PCDHA12: variants seen among roughly 807,000 people sequenced by gnomAD.
PCDHA12 encodes protocadherin alpha 12.
Under a neutral mutation model 60.0 loss-of-function variants are expected in PCDHA12, and 44 were observed. The ratio of observed to expected loss-of-function variants is 0.73; its 90% CI spans 0.58 to 0.94. The LOEUF is 0.94. PCDHA12 is among the 40% of genes least tolerant of loss of function. The pLI is 0.00. For missense variants in PCDHA12, 1,276 were observed against 1,239.7 expected, an observed-to-expected ratio of 1.03 and a Z score of -0.44; for synonymous variants, 569 against 553.0, an observed-to-expected ratio of 1.03 and a Z score of -0.40.
intron 1 of PCDHA12, chr5:140,929,303 A>G (rs782378312): frequency 1.1e-5 from 17 of 1,586,722 alleles, no homozygotes; most frequent in Non-Finnish European, 1.1e-5. Context: ...AGGAAAGGGG[A>G]TCACGCTAAT....
chr5:140,890,386 A>T (rs905205351), intron 1 of PCDHA12, among the ~76,000 whole-genome samples: 1 of 152,202 alleles, frequency 6.6e-6, no homozygotes, highest in African/African-American at 2.4e-5. Context: ...TCTTTCTTAG[A>T]TAATCTATAA....
intron 1 of PCDHA12, among the ~76,000 whole-genome samples, chr5:140,955,135 G>A (rs114298661): frequency 0.017 from 2,539 of 152,204 alleles, 31 homozygotes; most frequent in Middle Eastern, 0.034. Flanking sequence ...TGGTCTACAC[G>A]TCTGTTTTTG....
At chr5:141,004,449 A>G (rs2098166973) in intron 3 of PCDHA12, among the ~76,000 whole-genome samples, 1 of 152,180 alleles carries the variant, frequency 6.6e-6, no homozygotes. Flanking sequence ...GTCATATAGA[A>G]CCAGGAAGCT....
chr5:140,923,573 A>C (rs1180737452), intron 1 of PCDHA12, among the ~76,000 whole-genome samples: 2 of 152,214 alleles, frequency 1.3e-5, no homozygotes, highest in African/African-American at 4.8e-5. Flanking sequence ...GGTCCTGCTA[A>C]AGAGAAGGTT....
At position 140,902,128 on chromosome 5, in the gene PCDHA12, A is replaced by T. The variant is rs140093707; in HGVS notation, c.2367+24289A>T. On this transcript the variant is annotated intron_variant, in intron 1 of 3. Transcript: ENST00000398631. ...ATTTTTTTAAAACTGAGATTATATC[A>T]TCTGCAAACAAGGATAATTTGATTT... Among the ~76,000 whole-genome samples the T allele has an allele frequency of 8.6e-3, 1,299 of 150,978 alleles. 13 individuals are homozygous for T. Among genetic ancestry groups the T allele is most frequent in the African/African-American group, 0.03 (1,241 of 41,218 alleles).
chr5:140,992,363 G>T (rs1028043863), intron 3 of PCDHA12, among the ~76,000 whole-genome samples: 2 of 152,136 alleles, frequency 1.3e-5, no homozygotes, highest in Non-Finnish European at 2.9e-5. Context: ...GAGAAAAATG[G>T]TTCCCATTAC....
At chr5:140,980,585 G>A (rs1181393743) in intron 2 of PCDHA12, among the ~76,000 whole-genome samples, 2 of 151,902 alleles carry the variant, frequency 1.3e-5, no homozygotes, top group African/African-American at 2.4e-5. Flanking sequence ...AGCCAAGATC[G>A]AGCCACTGCA....
intron 3 of PCDHA12, among the ~76,000 whole-genome samples, chr5:140,997,668 T>TTGTGTG (rs35184029): frequency 3.8e-4 from 56 of 148,342 alleles, no homozygotes; most frequent in African/African-American, 8.5e-4. Context: ...ATTATACAGC[T>TTGTGTG]TGTGTGTGTG....
At chr5:140,983,513 C>G (rs893446292) in intron 3 of PCDHA12, among the ~76,000 whole-genome samples, 1 of 152,196 alleles carries the variant, frequency 6.6e-6, no homozygotes, top group South Asian at 2.1e-4. Flanking sequence ...TGCCTAGACA[C>G]TGTGCCAAGT....
chr5:140,994,608 G>A (rs1231327885), intron 3 of PCDHA12, among the ~76,000 whole-genome samples: 1 of 152,098 alleles, frequency 6.6e-6, no homozygotes, highest in African/African-American at 2.4e-5. Context: ...GGGAGGCTGA[G>A]GCACGAGAGT....
In PCDHA12 at chr5:140,877,416, G is replaced by A. The variant is rs368900600; in HGVS notation, c.1944G>A (p.Leu648=). 2.0e-5 allele frequency: 32 copies of A among 1,613,802 alleles called. No individual in the cohort carries two copies. The highest frequency in any genetic ancestry group is 2.7e-5 in the Non-Finnish European group (32 of 1,179,872). ...CGGACGCTCCGCGCCACCGCCTGCT[G>A]GTGCTGGTGAAGGACCACGGTGAGC... ...DEADAPRHRL[L]VLVKDHGEPA... is the part of the protein sequence containing the mutation. Residue 648 remains leucine (L), a synonymous_variant, in exon 1 of 4, where the codon CTG becomes CTA. Coordinates refer to ENST00000398631, the MANE Select transcript of PCDHA12 (RefSeq NM_018903.4).
rs1554231011 is a variant in PCDHA12 at position 140,968,738 on chromosome 5, C to G, written c.2368-10211C>G. 10 of 1,614,040 alleles carry G rather than the reference C, an allele frequency of 6.2e-6. No individual in the cohort carries two copies. The Admixed American group carries it at 6.7e-5, about 11-fold the overall frequency. On this transcript the variant is annotated intron_variant, in intron 1 of 3. Transcript: ENST00000398631. ...AGATGAGAGTGGTAGCACTTTCAAC[C>G]TGACCGTGGTGGTCCGAGATAATGG...
At chr5:140,909,519 T>C (rs975700982) in intron 1 of PCDHA12, among the ~76,000 whole-genome samples, 4 of 152,214 alleles carry the variant, frequency 2.6e-5, no homozygotes, top group Non-Finnish European at 4.4e-5. Context: ...TCACAACCCC[T>C]GCACATTTTG....
At chr5:140,987,544 A>G (rs1316604535) in intron 3 of PCDHA12, among the ~76,000 whole-genome samples, 1 of 152,180 alleles carries the variant, frequency 6.6e-6, no homozygotes, top group Non-Finnish European at 1.5e-5. Context: ...CCATTACTTA[A>G]CTTTCCTGAT....
At chr5:140,882,141 A>G in intron 1 of PCDHA12, 3 of 1,491,636 alleles carry the variant, frequency 2.0e-6, no homozygotes, top group South Asian at 1.4e-5. Flanking sequence ...CAGAAAATAT[A>G]GCAGAAAGCG....
At position 140,875,698 on chromosome 5, in the gene PCDHA12, G is replaced by C. The variant is rs2055722414; in HGVS notation, c.226G>C (p.Glu76Gln). ...VASKRHGDLL[E>Q]VNLQNGILFV... ...GTCCAAAAGACACGGGGACCTTCTG[G>C]AGGTAAATCTGCAGAATGGCATTTT... Residue 76 changes from glutamate to glutamine, a missense_variant, in exon 1 of 4, where the codon GAG becomes CAG. Transcript: ENST00000398631. 6.2e-7 allele frequency: 1 copy of C among 1,614,084 alleles called. No individual in the cohort carries two copies. The highest frequency in any genetic ancestry group is 1.3e-5 in the African/African-American group (1 of 75,064).
At chr5:140,890,902 G>A (rs781819787) in intron 1 of PCDHA12, among the ~76,000 whole-genome samples, 16 of 152,080 alleles carry the variant, frequency 1.1e-4, no homozygotes, top group Non-Finnish European at 1.5e-4. Context: ...GTCTTTCCAT[G>A]TTAGAATAAT....
In PCDHA12 at chr5:141,010,369, G is replaced by A. The variant is rs963959073; in HGVS notation, c.*432G>A. The A allele has an allele frequency of 1.8e-4, 270 of 1,474,338 alleles. No homozygotes were observed. The highest frequency in any genetic ancestry group is 7.1e-5 in the Non-Finnish European group (79 of 1,109,414). 91.3% of individuals were successfully genotyped at this position (1,474,338 alleles called of 1,614,324 possible). On this transcript the variant is annotated 3_prime_UTR_variant, in exon 4 of 4. Transcript: ENST00000398631. ...GTATGTGTGGCTACCGCGGGTATGCGAGTGCCAGATATTGGCTGAGACGAG... is the reference window on the plus strand; with the variant it reads ...GTATGTGTGGCTACCGCGGGTATGCAAGTGCCAGATATTGGCTGAGACGAG...
intron 3 of PCDHA12, among the ~76,000 whole-genome samples, chr5:140,983,792 ATG>A (rs1384223147): frequency 6.6e-6 from 1 of 152,212 alleles, no homozygotes; most frequent in Non-Finnish European, 1.5e-5. Context: ...AGATGACAGA[ATG>A]TGTGTGTAAA....
Sources: allele counts gnomAD v4.1 joint callset (sites outside exome capture counted in the v4.1 genomes callset), GRCh38; gene constraint gnomAD v4.1.1; transcripts MANE v1.5; gene names NCBI Gene and HGNC (gene_info 2026-07-23, HGNC 2026-07-21).